The following PLA2G4D variants were observed in gnomAD, a reference collection of about 807,000 sequenced individuals.
The protein encoded by PLA2G4D is phospholipase A2 group IVD, also known as cytosolic phospholipase A2 delta.
In PLA2G4D, 80 loss-of-function variants were observed where a neutral mutation model predicts 94.4. The observed-to-expected ratio is 0.85, with a 90% CI of 0.71 to 1.02. The LOEUF is 1.02. PLA2G4D is among the 50% of genes least tolerant of loss of function. PLA2G4D has a pLI of 0.00. For synonymous variants in PLA2G4D, 438 were observed against 440.9 expected, an observed-to-expected ratio of 0.99 and a Z score of 0.08; for missense variants, 1,050 against 1,034.7, an observed-to-expected ratio of 1.01 and a Z score of -0.20.
At chr15:42,088,617 G>A (rs1355259989) in intron 1 of PLA2G4D, among the ~76,000 whole-genome samples, 1 of 152,186 alleles carries the variant, frequency 6.6e-6, no homozygotes, top group African/African-American at 2.4e-5. Flanking sequence ...TTGATGTGAG[G>A]TTACTCAAAT....
Position 42,087,686 on chromosome 15 carries a change from G to A in PLA2G4D, c.60C>T (p.Thr20=). The A allele has an allele frequency of 1.9e-6, 3 of 1,614,122 alleles. No homozygotes were observed. The highest frequency in any genetic ancestry group is 3.3e-5 in the Admixed American group (2 of 60,018). The change falls in exon 2 of 20, where the codon ACC becomes ACT. Residue 20 remains threonine (T), a synonymous_variant. Coordinates refer to ENST00000290472, the MANE Select transcript of PLA2G4D (RefSeq NM_178034.4). ...PGHPYQGEAS[T]CWQLTVRVLE... is the part of the protein sequence containing the mutation. Reference sequence around the variant, plus strand: ...GGACCCTCACTGTGAGCTGCCAGCAGGTAGAGGCCTCCCCCTGAAGAGAAA... The same window carrying A: ...GGACCCTCACTGTGAGCTGCCAGCAAGTAGAGGCCTCCCCCTGAAGAGAAA...
chr15:42,080,945 C>T, intron 12 of PLA2G4D, 52 bp downstream of exon 12: 1 of 1,589,046 alleles, frequency 6.3e-7, no homozygotes, highest in Non-Finnish European at 8.6e-7. Context: ...GCCCACTCTG[C>T]CCCGCTATGG....
At chr15:42,091,571 C>G (rs1020162141) in intron 1 of PLA2G4D, among the ~76,000 whole-genome samples, 1 of 140,200 alleles carries the variant, frequency 7.1e-6, no homozygotes. Flanking sequence ...CTTAGCAGAC[C>G]GGGAAAGGGA....
rs970815128 is a variant in PLA2G4D, at chr15:42,085,206, G to T, written c.429-68C>A. On this transcript the variant is annotated intron_variant, in intron 5 of 19. Coordinates refer to ENST00000290472, the MANE Select transcript of PLA2G4D (RefSeq NM_178034.4). ...GACCTCCCGCTCCCGCCCATGTGGG[G>T]TCTCCCTGGGTGATGCTGAGGGCTC... The T allele has an allele frequency of 1.5e-5, 23 of 1,569,950 alleles. No individual in the cohort carries two copies. The Middle Eastern group carries it at 5.0e-4, about 34-fold the overall frequency.
chr15:42,074,985 G>T (rs1889889886), intron 13 of PLA2G4D, among the ~76,000 whole-genome samples: 1 of 152,152 alleles, frequency 6.6e-6, no homozygotes, highest in African/African-American at 2.4e-5. Context: ...ATGCAGTGGG[G>T]TGATTACAAC....
rs2141089752 is a variant in PLA2G4D, at chr15:42,067,351, C to G, written c.*1364G>C. 6.6e-6 allele frequency: 1 copy of G among 152,300 alleles called. No individual in the cohort carries two copies. The highest frequency in any genetic ancestry group is 1.5e-5 in the Non-Finnish European group (1 of 68,052). The allele number at this position is 152,300 out of a possible 1,614,324, so 9.4% of individuals were successfully genotyped here. ...AGGAGTTCAAGACCAGCCTGGGCAACATGGTGAGACCTCATCTCTACAAAA... is the reference window on the plus strand; with the variant it reads ...AGGAGTTCAAGACCAGCCTGGGCAAGATGGTGAGACCTCATCTCTACAAAA... On this transcript the variant is annotated 3_prime_UTR_variant, in exon 20 of 20. Transcript: ENST00000290472.
chr15:42,074,258 GTCTCT>G (rs1889879944), intron 13 of PLA2G4D, among the ~76,000 whole-genome samples: 1 of 152,108 alleles, frequency 6.6e-6, no homozygotes, highest in Non-Finnish European at 1.5e-5. Flanking sequence ...AGGACTCTCA[GTCTCT>G]AACCCCCCAG....
intron 4 of PLA2G4D, 44 bp downstream of exon 4, chr15:42,086,168 TG>T: frequency 1.3e-6 from 2 of 1,530,656 alleles, no homozygotes; most frequent in Non-Finnish European, 1.8e-6. Flanking sequence ...AGCTTGGAGT[TG>T]GAAGAAGTGG....
chr15:42,070,902 T>C lies in PLA2G4D; in HGVS notation c.1877-19A>G. 6.2e-7 allele frequency: 1 copy of C among 1,605,906 alleles called. No individual in the cohort carries two copies. Among genetic ancestry groups the C allele is most frequent in the Non-Finnish European group, 8.5e-7 (1 of 1,176,400 alleles). Reference sequence around the variant, plus strand: ...TGGTAGTCTGGTGGGAATCGCAGGATGGTCAGAGGCCACCACCCTGCCACA... The same window carrying C: ...TGGTAGTCTGGTGGGAATCGCAGGACGGTCAGAGGCCACCACCCTGCCACA... On this transcript the variant is annotated intron_variant, in intron 17 of 19. Transcript: ENST00000290472.
chr15:42,092,381 A>G (rs944774807), intron 1 of PLA2G4D, among the ~76,000 whole-genome samples: 7 of 152,094 alleles, frequency 4.6e-5, no homozygotes, highest in African/African-American at 1.7e-4. Flanking sequence ...CTCTTCCCTC[A>G]TTGCCCCACG....
At chr15:42,075,476 T>C (rs986416377) in intron 13 of PLA2G4D, among the ~76,000 whole-genome samples, 1 of 152,232 alleles carries the variant, frequency 6.6e-6, no homozygotes, top group Non-Finnish European at 1.5e-5. Context: ...ACATAGCACA[T>C]AGTAATAAAA....
chr15:42,093,332 G>C (rs1470501118), intron 1 of PLA2G4D, among the ~76,000 whole-genome samples: 1 of 152,184 alleles, frequency 6.6e-6, no homozygotes, highest in Non-Finnish European at 1.5e-5. Context: ...TTACCCAGGA[G>C]CTAGACCTAG....
rs1335964512 is a variant in PLA2G4D, at chr15:42,083,310, A to C, written c.560T>G (p.Leu187Arg). ...VADQDKLELE[L>R]VLKGSYEDTQ... ...GTCCTCATAGGACCCCTTCAGCACC[A>C]GCTCCAGCTCCAGCTTGTCCTGATC... The change falls in exon 8 of 20, where the codon CTG becomes CGG. Residue 187 changes from leucine to arginine, a missense_variant. Leu to Arg is a moderately radical substitution (Grantham distance 102). Transcript: ENST00000290472. The C allele has an allele frequency of 1.2e-6, 2 of 1,613,740 alleles. No homozygotes were observed. Among genetic ancestry groups the C allele is most frequent in the Non-Finnish European group, 1.7e-6 (2 of 1,179,882 alleles).
intron 7 of PLA2G4D, 114 bp downstream of exon 7, chr15:42,083,602 G>A (rs1005751237): frequency 7.5e-7 from 1 of 1,329,084 alleles, no homozygotes. Context: ...TGGGTGAGAA[G>A]AGAGAGGCAA....
At chr15:42,072,453 C>T (rs1889845703) in intron 13 of PLA2G4D, 61 bp from the exon 14 acceptor site, 1 of 1,405,770 alleles carries the variant, frequency 7.1e-7, no homozygotes, top group South Asian at 1.2e-5. Flanking sequence ...GCAGTGGCTC[C>T]GCCAGGACAG....
rs199959919 is a variant in PLA2G4D, at chr15:42,071,893, G to T, written c.1454C>A (p.Pro485His). 36 of 1,614,026 alleles carry T rather than the reference G, an allele frequency of 2.2e-5. No individual in the cohort carries two copies. The highest frequency in any genetic ancestry group is 1.2e-4 in the Admixed American group (7 of 60,008). The change falls in exon 15 of 20, where the codon CCC becomes CAC. Residue 485 changes from proline (P) to histidine (H), a missense_variant. Coordinates refer to ENST00000290472, the MANE Select transcript of PLA2G4D (RefSeq NM_178034.4). Reference sequence around the variant, plus strand: ...GTACTTCAGGAAACCGACCTCATAGGGGGAGAACTCAACCCACTCTAATGG... The same window carrying T: ...GTACTTCAGGAAACCGACCTCATAGTGGGAGAACTCAACCCACTCTAATGG... The part of the protein sequence containing the change: ...LDFKEWVEFS[P>H]YEVGFLKYGA...
rs771370348 is a variant in PLA2G4D, at chr15:42,068,838, G to A, written c.2334C>T (p.Phe778=). The A allele has an allele frequency of 3.5e-5, 57 of 1,613,834 alleles. No homozygotes were observed. Among genetic ancestry groups the A allele is most frequent in the Non-Finnish European group, 4.5e-5 (53 of 1,179,984 alleles). The change falls in exon 20 of 20, where the codon TTC becomes TTT. Residue 778 remains phenylalanine, a synonymous_variant. Transcript: ENST00000290472. Reference sequence around the variant, plus strand: ...AGTCACTGAGCCGCAGCAGGCGCTCGAAGTCTTCCTCCTTGTAGGTCATGT... The same window carrying A: ...AGTCACTGAGCCGCAGCAGGCGCTCAAAGTCTTCCTCCTTGTAGGTCATGT... ...LSNMTYKEED[F]ERLLRLSDYN...
At chr15:42,092,261 G>T (rs1454138459) in intron 1 of PLA2G4D, among the ~76,000 whole-genome samples, 4 of 152,126 alleles carry the variant, frequency 2.6e-5, no homozygotes, top group Non-Finnish European at 5.9e-5. Flanking sequence ...CTTGCCCAAG[G>T]TCACAGAGTT....
chr15:42,079,080 A>G (rs1425821274), intron 13 of PLA2G4D, among the ~76,000 whole-genome samples: 2 of 152,232 alleles, frequency 1.3e-5, no homozygotes, highest in Non-Finnish European at 2.9e-5. Context: ...TCCCCATTGT[A>G]CAGATCAGAA....
Sources: gnomAD v4.1 joint callset for allele counts (sites outside exome capture counted in the v4.1 genomes callset) on GRCh38, gnomAD v4.1.1 for gene constraint, MANE v1.5 for transcripts, NCBI Gene and HGNC (gene_info 2026-07-23, HGNC 2026-07-21) for gene names.